SHISA9: variants seen among roughly 807,000 people sequenced by gnomAD.
SHISA9 encodes protein shisa-9.
Under a neutral mutation model 38.0 loss-of-function variants are expected in SHISA9, and 13 were observed. The observed-to-expected ratio is 0.34, with a 90% CI of 0.22 to 0.54. The LOEUF (loss-of-function observed/expected upper bound fraction) is 0.54. SHISA9 is among the 20% of genes least tolerant of loss of function. The pLI is 0.91. For missense variants in SHISA9, 538 were observed against 575.8 expected (o/e 0.93, Z 0.67); for synonymous variants, 275 against 242.0 (o/e 1.14, Z -1.27).
At chr16:13,229,781 G>T (rs2051313296) in intron 4 of SHISA9, among the ~76,000 whole-genome samples, 1 of 152,212 alleles carries the variant, frequency 6.6e-6, no homozygotes, top group African/African-American at 2.4e-5. Flanking sequence ...TGTTATGATG[G>T]AGAGAGCAGG....
the SHISA9 span, among the ~76,000 whole-genome samples, chr16:13,376,972 T>C: frequency 2.6e-5 from 4 of 152,202 alleles, no homozygotes; most frequent in African/African-American, 9.6e-5. Context: ...CCATCATGCC[T>C]GACCATGATA....
downstream of SHISA9, among the ~76,000 whole-genome samples, chr16:13,243,769 G>GTTTTTTT (rs34605909): frequency 1.2e-4 from 11 of 89,812 alleles, no homozygotes; most frequent in East Asian, 4.3e-4. Context: ...TTACAGCAGC[G>GTTTTTTT]TTTTTTTTTT....
chr16:13,550,856 G>T, the SHISA9 span, among the ~76,000 whole-genome samples: 2 of 151,882 alleles, frequency 1.3e-5, no homozygotes, highest in Non-Finnish European at 1.5e-5. Flanking sequence ...AGGTGCAGTG[G>T]CTCACACTTG....
At chr16:12,932,657 T>C (rs907685255) in intron 2 of SHISA9, among the ~76,000 whole-genome samples, 3 of 152,164 alleles carry the variant, frequency 2.0e-5, no homozygotes, top group Non-Finnish European at 4.4e-5. Flanking sequence ...TATCTAGATC[T>C]TAAAGAGTAA....
chr16:13,000,584 G>A (rs1026332820), intron 2 of SHISA9, among the ~76,000 whole-genome samples: 10 of 152,222 alleles, frequency 6.6e-5, no homozygotes, highest in South Asian at 6.2e-4. Flanking sequence ...CCCCAAGGAC[G>A]ATTGCAGGTG....
intron 2 of SHISA9, among the ~76,000 whole-genome samples, chr16:13,079,218 C>A (rs2073619315): frequency 6.6e-6 from 1 of 152,180 alleles, no homozygotes. Flanking sequence ...GATCTAGAGT[C>A]CACCTGTGTA....
intron 2 of SHISA9, among the ~76,000 whole-genome samples, chr16:13,106,098 G>T (rs1406922046): frequency 6.6e-6 from 1 of 152,148 alleles, no homozygotes; most frequent in African/African-American, 2.4e-5. Context: ...CAAATAACTT[G>T]CTCAAGGTCA....
chr16:13,440,331 T>C, the SHISA9 span, among the ~76,000 whole-genome samples: 1 of 152,242 alleles, frequency 6.6e-6, no homozygotes, highest in East Asian at 1.9e-4. Context: ...CCTCATCTGC[T>C]TTTCTCTTTG....
chr16:12,927,773 A>G (rs2071411063), intron 2 of SHISA9, among the ~76,000 whole-genome samples: 2 of 151,940 alleles, frequency 1.3e-5, no homozygotes, highest in Non-Finnish European at 2.9e-5. Context: ...CCCCCCATAG[A>G]TCTGTCCCCG....
At chr16:13,401,936 T>G in the SHISA9 span, among the ~76,000 whole-genome samples, 4 of 151,938 alleles carry the variant, frequency 2.6e-5, no homozygotes, top group Non-Finnish European at 5.9e-5. Context: ...TATAAAACCA[T>G]CAGATCTCAT....
chr16:13,348,064 T>C, the SHISA9 span, among the ~76,000 whole-genome samples: 4 of 152,134 alleles, frequency 2.6e-5, no homozygotes, highest in Non-Finnish European at 2.9e-5. Context: ...TATAAAATAA[T>C]ATATTTGTGT....
At chr16:13,321,302 G>A in the SHISA9 span, among the ~76,000 whole-genome samples, 1 of 152,172 alleles carries the variant, frequency 6.6e-6, no homozygotes, top group African/African-American at 2.4e-5. Flanking sequence ...GTCTTTTATA[G>A]CATAGAACAC....
intron 1 of SHISA9, among the ~76,000 whole-genome samples, chr16:12,903,259 C>T (rs2071045710): frequency 6.6e-6 from 1 of 152,178 alleles, no homozygotes; most frequent in South Asian, 2.1e-4. Flanking sequence ...CCCCTTTACC[C>T]ACCTCATCCC....
At chr16:13,102,657 C>G (rs1389708801) in intron 2 of SHISA9, among the ~76,000 whole-genome samples, 2 of 152,154 alleles carry the variant, frequency 1.3e-5, no homozygotes, top group East Asian at 1.9e-4. Context: ...TTTGTCCTCC[C>G]TCTAGACTCC....
intron 2 of SHISA9, among the ~76,000 whole-genome samples, chr16:13,105,359 C>T (rs1038655860): frequency 4.6e-5 from 7 of 152,182 alleles, no homozygotes; most frequent in African/African-American, 1.7e-4. Flanking sequence ...TGCATGCTGT[C>T]CCAAGTGGGT....
rs1024537478 is a variant in SHISA9 at position 13,237,403 on chromosome 16, C to G, written c.*1994C>G. 6.6e-6 allele frequency: 1 copy of G among 151,998 alleles called. No individual in the cohort carries two copies. The highest frequency in any genetic ancestry group is 1.5e-5 in the Non-Finnish European group (1 of 68,024). The allele number at this position is 151,998 out of a possible 1,614,324, so 9.4% of individuals were successfully genotyped here. On this transcript the variant is annotated 3_prime_UTR_variant, in exon 5 of 5. Coordinates refer to ENST00000558583, the MANE Select transcript of SHISA9 (RefSeq NM_001145204.3). ...TTTGACCAGGCACAGTGGCTCACACCTAAAATCCCAGCACTTTGGGAGGCT... is the reference window on the plus strand; with the variant it reads ...TTTGACCAGGCACAGTGGCTCACACGTAAAATCCCAGCACTTTGGGAGGCT...
At chr16:12,987,689 C>G (rs571758281) in intron 2 of SHISA9, among the ~76,000 whole-genome samples, 138 of 152,184 alleles carry the variant, frequency 9.1e-4, no homozygotes, top group South Asian at 1.7e-3. Flanking sequence ...CCATGGCACA[C>G]GTTTACCTAT....
In SHISA9 at chr16:12,902,412, C is replaced by T. The variant is rs1339203809; in HGVS notation, c.348C>T (p.Asn116=). 3 of 1,551,158 alleles carry T rather than the reference C, an allele frequency of 1.9e-6. No individual in the cohort carries two copies. In the African/African-American group the frequency reaches 4.1e-5, roughly 21 times the overall value. The change falls in exon 1 of 5, where the codon AAC becomes AAT. Residue 116 remains asparagine (N), a synonymous_variant. Coordinates refer to ENST00000558583, the MANE Select transcript of SHISA9 (RefSeq NM_001145204.3). ...GCACGTTTAAGAAGCGGCGACTGAA[C>T]CAAAGCACCTGCACCAACTACGACA... The part of the protein sequence containing the change: ...FCCTFKKRRL[N]QSTCTNYDTP...
In SHISA9 at chr16:13,232,215, A is replaced by C. The variant is rs2051338068; in HGVS notation, c.896-2815A>C. 1.3e-5 allele frequency among the ~76,000 whole-genome samples: 2 copies of C among 152,214 alleles called. 1 individual carries two copies. Among genetic ancestry groups the C allele is most frequent in the South Asian group, 4.1e-4 (2 of 4,824 alleles). ...AAGAGCAAATACTTCTGGTCCCCTG[A>C]GAGATGAAAGTTCAAAAGTTTATTG... On this transcript the variant is annotated intron_variant, in intron 4 of 4. Transcript: ENST00000558583.
Sources: allele counts gnomAD v4.1 joint callset (sites outside exome capture counted in the v4.1 genomes callset), GRCh38; gene constraint gnomAD v4.1.1; transcripts MANE v1.5; gene names NCBI Gene and HGNC (gene_info 2026-07-23, HGNC 2026-07-21).